The following RHEB variants were observed in gnomAD, a reference collection of about 807,000 sequenced individuals.
RHEB encodes the protein GTP-binding protein Rheb.
RHEB carries 2 observed loss-of-function variants against 28.8 expected under a neutral mutation model. That is an observed-to-expected ratio of 0.07 (90% CI 0.03 to 0.22). The LOEUF is 0.22. RHEB is among the 10% of genes least tolerant of loss of function. RHEB has a pLI of 1.00. For synonymous variants in RHEB, 69 were observed against 77.3 expected (o/e 0.89, Z 0.56); for missense variants, 76 against 219.9 (o/e 0.35, Z 4.14).
chr7:151,517,589 G>T (rs1368807790), intron 1 of RHEB, among the ~76,000 whole-genome samples: 1 of 151,490 alleles, frequency 6.6e-6, no homozygotes, highest in Non-Finnish European at 1.5e-5. Flanking sequence ...TGAGGACAAG[G>T]CTAAGGGGTG....
chr7:151,505,775 A>C (rs1252657443), intron 1 of RHEB, among the ~76,000 whole-genome samples: 1 of 152,258 alleles, frequency 6.6e-6, no homozygotes, highest in Admixed American at 6.5e-5. Flanking sequence ...TGATCAGATA[A>C]ACAAATTAAG....
At chr7:151,501,385 A>T (rs1049880613) in intron 1 of RHEB, among the ~76,000 whole-genome samples, 4 of 152,242 alleles carry the variant, frequency 2.6e-5, no homozygotes, top group African/African-American at 9.6e-5. Flanking sequence ...AATGTAAATT[A>T]AAAATTACAA....
chr7:151,469,737 G>T (rs914974185), intron 7 of RHEB, among the ~76,000 whole-genome samples: 1 of 152,188 alleles, frequency 6.6e-6, no homozygotes, highest in Non-Finnish European at 1.5e-5. Context: ...ACAGGAGATG[G>T]TGTGTTTAAG....
chr7:151,489,624 G>A (rs1011260655), intron 2 of RHEB, among the ~76,000 whole-genome samples: 2 of 152,164 alleles, frequency 1.3e-5, no homozygotes, highest in Non-Finnish European at 2.9e-5. Flanking sequence ...AGGCTTTGTA[G>A]GCCACCTGGT....
chr7:151,503,776 A>AT (rs34030206), intron 1 of RHEB, among the ~76,000 whole-genome samples: 61,322 of 151,124 alleles, frequency 0.41, 14,027 homozygotes, highest in South Asian at 0.58. Context: ...AAAAAAAAAA[A>AT]TTTTTTTAAG....
chr7:151,485,571 C>T lies in RHEB; in HGVS notation c.125-767G>A, dbSNP rs183394496. On this transcript the variant is annotated intron_variant, in intron 2 of 7. Transcript: ENST00000262187. ...TACCCGCCCCAGCCATCTTGACTCACCATGAGTCCTCCAATCTCCTGATTG... is the reference window on the plus strand; with the variant it reads ...TACCCGCCCCAGCCATCTTGACTCATCATGAGTCCTCCAATCTCCTGATTG... 1.1e-3 allele frequency among the ~76,000 whole-genome samples: 173 copies of T among 152,296 alleles called. 1 individual carries two copies. The highest frequency in any genetic ancestry group is 2.8e-4 in the Non-Finnish European group (19 of 68,026).
At chr7:151,504,440 T>C (rs1802830844) in intron 1 of RHEB, among the ~76,000 whole-genome samples, 1 of 152,170 alleles carries the variant, frequency 6.6e-6, no homozygotes, top group South Asian at 2.1e-4. Context: ...CTGCAGAATC[T>C]GCATATATGA....
chr7:151,476,403 C>CA (rs1478601767), intron 4 of RHEB, among the ~76,000 whole-genome samples: 1 of 152,196 alleles, frequency 6.6e-6, no homozygotes, highest in African/African-American at 2.4e-5. Flanking sequence ...AGAGAGCAAA[C>CA]ACTTCTATCA....
chr7:151,490,580 G>A (rs902099303), intron 2 of RHEB, among the ~76,000 whole-genome samples: 3 of 152,204 alleles, frequency 2.0e-5, no homozygotes, highest in Admixed American at 2.0e-4. Context: ...GGGATCTCGA[G>A]TGTTTTTCAT....
Position 151,505,182 on chromosome 7 carries a change from G to A in RHEB, c.53-14168C>T, listed in dbSNP as rs1344244080. ...AAATAAACAAAACAAAAAAAAAAAC[G>A]AAAAAGTGAACCGAGTTTCATCAAA... On this transcript the variant is annotated intron_variant, in intron 1 of 7. Transcript: ENST00000262187. Among the ~76,000 whole-genome samples, 3 of 139,408 alleles carry A rather than the reference G, an allele frequency of 2.2e-5. No individual in the cohort carries two copies. The East Asian group carries it at 6.3e-4, about 29-fold the overall frequency. The allele number at this position is 139,408 out of a possible 152,430, so 91.5% of individuals were successfully genotyped here.
At chr7:151,488,296 T>C (rs1802519852) in intron 2 of RHEB, among the ~76,000 whole-genome samples, 1 of 152,212 alleles carries the variant, frequency 6.6e-6, no homozygotes. Context: ...CCCCTACTGT[T>C]AAAGATGACA....
chr7:151,506,931 C>T (rs373694483), intron 1 of RHEB, among the ~76,000 whole-genome samples: 13 of 152,190 alleles, frequency 8.5e-5, no homozygotes, highest in African/African-American at 3.1e-4. Flanking sequence ...CTGCACATCA[C>T]TTGAGGCTCC....
At chr7:151,478,253 C>A (rs1201307601) in intron 3 of RHEB, among the ~76,000 whole-genome samples, 1 of 152,010 alleles carries the variant, frequency 6.6e-6, no homozygotes, top group African/African-American at 2.4e-5. Context: ...ATGTCCTAAG[C>A]ACTATTATGG....
chr7:151,473,058 TCTC>T (rs1218119472), intron 4 of RHEB, among the ~76,000 whole-genome samples: 2 of 152,184 alleles, frequency 1.3e-5, no homozygotes, highest in African/African-American at 4.8e-5. Flanking sequence ...GGCTCCCAGA[TCTC>T]CTGCTCTCCT....
At chr7:151,494,233 C>T (rs1214733917) in intron 1 of RHEB, among the ~76,000 whole-genome samples, 1 of 152,216 alleles carries the variant, frequency 6.6e-6, no homozygotes, top group Non-Finnish European at 1.5e-5. Context: ...AAGTATGATA[C>T]ATGGGATAAG....
intron 1 of RHEB, among the ~76,000 whole-genome samples, chr7:151,514,716 G>A (rs1803045584): frequency 6.6e-6 from 1 of 152,120 alleles, no homozygotes. Flanking sequence ...GCTTGTACAG[G>A]AATGTTCAAA....
chr7:151,485,624 G>A (rs571549076), intron 2 of RHEB, among the ~76,000 whole-genome samples: 1 of 152,274 alleles, frequency 6.6e-6, no homozygotes, highest in South Asian at 2.1e-4. Context: ...GAGCCAGGCA[G>A]CAGAATCTAT....
intron 1 of RHEB, among the ~76,000 whole-genome samples, chr7:151,499,982 T>C (rs1802744247): frequency 1.3e-5 from 2 of 152,176 alleles, no homozygotes; most frequent in East Asian, 1.9e-4. Flanking sequence ...TGAGTTTTTT[T>C]TGTAGAGACA....
Position 151,470,572 on chromosome 7 carries a change from T to G in RHEB, c.461A>C (p.Gln154Pro). Residue 154 changes from glutamine (Q) to proline (P), a missense_variant and splice_region_variant, in exon 7 of 8, where the codon CAG (glutamine) becomes CCG (proline). Physicochemically the swap from Gln to Pro is moderately conservative, Grantham distance 76. Transcript: ENST00000262187. ...AATGAGGTTTATAGAATCTGTTACC[T>G]GATTTTCTTTAGCAGAAGATTCCAA... is the stretch of plus-strand genomic sequence containing the variant. ...AFLESSAKEN[Q>P]TAVDVFRRII... 6.2e-7 allele frequency: 1 copy of G among 1,606,134 alleles called. No individual in the cohort carries two copies. Among genetic ancestry groups the G allele is most frequent in the Non-Finnish European group, 8.5e-7 (1 of 1,172,928 alleles).
Sources: allele counts gnomAD v4.1 joint callset (sites outside exome capture counted in the v4.1 genomes callset), GRCh38; gene constraint gnomAD v4.1.1; transcripts MANE v1.5; gene names NCBI Gene and HGNC (gene_info 2026-07-23, HGNC 2026-07-21).